The following OSBPL3 variants were observed in gnomAD, a reference collection of about 807,000 sequenced individuals.
OSBPL3 encodes oxysterol-binding protein-related protein 3.
Under a neutral mutation model 120.1 loss-of-function variants are expected in OSBPL3, and 65 were observed. That is an observed-to-expected ratio of 0.54 (90% CI 0.44 to 0.67). OSBPL3 has a LOEUF of 0.67. OSBPL3 is among the 30% of genes least tolerant of loss of function. OSBPL3 has a pLI of 0.00. For synonymous variants in OSBPL3, 416 were observed against 402.6 expected, an observed-to-expected ratio of 1.03 and a Z score of -0.40; for missense variants, 1,004 against 1,082.1, an observed-to-expected ratio of 0.93 and a Z score of 1.01.
chr7:24,972,922 T>A lies in OSBPL3; in HGVS notation c.-150+6964A>T, dbSNP rs1817189806. On this transcript the variant is annotated intron_variant, in intron 1 of 22. Transcript: ENST00000313367. This position sits in a 1 kb window ranked among gnomAD's most constrained non-coding sequence, Gnocchi z 4.3. ...TCAAGACAGGAAACCAGTGTGGGAA[T>A]CTTTACAAGTACTACATTTTAATAC... Among the ~76,000 whole-genome samples, 1 of 152,226 alleles carries A rather than the reference T, an allele frequency of 6.6e-6. No homozygotes were observed. The highest frequency in any genetic ancestry group is 1.5e-5 in the Non-Finnish European group (1 of 68,044).
Position 24,959,476 on chromosome 7 carries a change from A to G in OSBPL3, c.-150+20410T>C, listed in dbSNP as rs188592791. ...AAAGCGTTAACATGAGTCAATTTAC[A>G]TAAGTTACAAAAACAAGCAAAGCTA... On this transcript the variant is annotated intron_variant, in intron 1 of 22. Coordinates refer to ENST00000313367, the MANE Select transcript of OSBPL3 (RefSeq NM_015550.4). The surrounding 1 kb of genome is among the most constrained non-coding windows in gnomAD (Gnocchi z 4.3). Among the ~76,000 whole-genome samples, 117 of 152,334 alleles carry G rather than the reference A, an allele frequency of 7.7e-4. 1 individual carries two copies. The highest frequency in any genetic ancestry group is 2.8e-3 in the African/African-American group (115 of 41,580).
chr7:24,954,056 CCT>C (rs1219398936), intron 1 of OSBPL3, among the ~76,000 whole-genome samples: 1 of 152,142 alleles, frequency 6.6e-6, no homozygotes, highest in Non-Finnish European at 1.5e-5. Flanking sequence ...GACCTTCCTT[CCT>C]CTTTCATGAT....
rs1423089537 is a variant in OSBPL3, at chr7:24,968,953, C to G, written c.-150+10933G>C. Among the ~76,000 whole-genome samples, 3 of 152,034 alleles carry G rather than the reference C, an allele frequency of 2.0e-5. No individual in the cohort carries two copies. Among genetic ancestry groups the G allele is most frequent in the Non-Finnish European group, 4.4e-5 (3 of 68,012 alleles). ...CAATCTGGTATTTATTCAAATACTC[C>G]AAGAAACAATTTTGCATATATATCA... On this transcript the variant is annotated intron_variant, in intron 1 of 22. Transcript: ENST00000313367. This position sits in a 1 kb window ranked among gnomAD's most constrained non-coding sequence, Gnocchi z 4.6.
intron 1 of OSBPL3, among the ~76,000 whole-genome samples, chr7:24,962,382 GA>G (rs1815855107): frequency 7.6e-6 from 1 of 130,904 alleles, no homozygotes; most frequent in Non-Finnish European, 1.6e-5. Context: ...AAGGAGAGGA[GA>G]GGGGAGGGGG....
chr7:24,834,184 G>A lies in OSBPL3; in HGVS notation c.1746+302C>T. 1 of 1,095,258 alleles carries A rather than the reference G, an allele frequency of 9.1e-7. No homozygotes were observed. The highest frequency in any genetic ancestry group is 1.1e-6 in the Non-Finnish European group (1 of 892,040). The allele number at this position is 1,095,258 out of a possible 1,614,324, so 67.8% of individuals were successfully genotyped here. On this transcript the variant is annotated intron_variant, in intron 15 of 22. Transcript: ENST00000313367. The surrounding 1 kb of genome is among the most constrained non-coding windows in gnomAD (Gnocchi z 5.2). ...CCCTAAAGACATGTTTTCCAGCCGG[G>A]CACATCGGAACAATCAGCCAGAAGG...
chr7:24,880,577 A>C (rs1391762202), intron 2 of OSBPL3, among the ~76,000 whole-genome samples: 1 of 152,210 alleles, frequency 6.6e-6, no homozygotes, highest in Non-Finnish European at 1.5e-5. Flanking sequence ...TTCAAAGTAC[A>C]CCATAATGAT....
intron 10 of OSBPL3, among the ~76,000 whole-genome samples, chr7:24,853,175 G>A (rs1420451796): frequency 2.6e-5 from 4 of 152,116 alleles, no homozygotes; most frequent in Non-Finnish European, 4.4e-5. Context: ...GACTGGAAAG[G>A]GTTAAAAACA....
chr7:24,858,798 A>C (rs1221352331), intron 10 of OSBPL3, among the ~76,000 whole-genome samples: 2 of 152,180 alleles, frequency 1.3e-5, no homozygotes, highest in Non-Finnish European at 2.9e-5. Context: ...CAATGGATCC[A>C]CTCAGTATGG....
At chr7:24,977,590 C>A (rs1427755389) in intron 1 of OSBPL3, among the ~76,000 whole-genome samples, 1 of 152,184 alleles carries the variant, frequency 6.6e-6, no homozygotes, top group Non-Finnish European at 1.5e-5. Context: ...GGCGCGGTGG[C>A]TCACGCCTGT....
At chr7:24,911,088 G>C (rs1808760113) in intron 1 of OSBPL3, among the ~76,000 whole-genome samples, 1 of 152,192 alleles carries the variant, frequency 6.6e-6, no homozygotes, top group African/African-American at 2.4e-5. Flanking sequence ...TTACTCCACA[G>C]AACTGCCTTC....
rs905890352 is a variant in OSBPL3 at position 24,873,274 on chromosome 7, T to C, written c.97-1205A>G. 5.3e-5 allele frequency among the ~76,000 whole-genome samples: 8 copies of C among 152,136 alleles called. No homozygotes were observed. The highest frequency in any genetic ancestry group is 1.9e-4 in the African/African-American group (8 of 41,414). On this transcript the variant is annotated intron_variant, in intron 2 of 22. Transcript: ENST00000313367. The surrounding 1 kb of genome is among the most constrained non-coding windows in gnomAD (Gnocchi z 4.1). Reference sequence around the variant, plus strand: ...TTAGATTCAAGTCCTGGGACACAAGTGGTCTAACAGGGAGGGCACAGAAAC... The same window carrying C: ...TTAGATTCAAGTCCTGGGACACAAGCGGTCTAACAGGGAGGGCACAGAAAC...
rs1796878007 is a variant in OSBPL3, at chr7:24,835,410, A to G, written c.1496-674T>C. 6.6e-6 allele frequency among the ~76,000 whole-genome samples: 1 copy of G among 152,168 alleles called. No homozygotes were observed. The highest frequency in any genetic ancestry group is 2.1e-4 in the South Asian group (1 of 4,818). On this transcript the variant is annotated intron_variant, in intron 14 of 22. Coordinates refer to ENST00000313367, the MANE Select transcript of OSBPL3 (RefSeq NM_015550.4). This position sits in a 1 kb window ranked among gnomAD's most constrained non-coding sequence, Gnocchi z 4.8. ...AGAATAGCAATTACTAAAAAGTCAA[A>G]AAATAACATGCTGGTGAGGCTGCAG...
chr7:24,872,448 A>AGTGT lies in OSBPL3; in HGVS notation c.97-383_97-380dup, dbSNP rs371127031. On this transcript the variant is annotated intron_variant, in intron 2 of 22. Transcript: ENST00000313367. The surrounding 1 kb of genome is among the most constrained non-coding windows in gnomAD (Gnocchi z 4.1). ...TCAGTCTGAATTTTAACCGAAAGAGAGTGTGTGTGTGTGTGTGTGTGTGTG... is the reference window on the plus strand; with the variant it reads ...TCAGTCTGAATTTTAACCGAAAGAGAGTGTGTGTGTGTGTGTGTGTGTGTGTGTG... Among the ~76,000 whole-genome samples, 21,626 of 144,616 alleles carry AGTGT rather than the reference A, an allele frequency of 0.15. 1,799 individuals carry two copies. The highest frequency in any genetic ancestry group is 0.19 in the Non-Finnish European group (12,477 of 66,130). The allele number at this position is 144,616 out of a possible 152,430, so 94.9% of individuals were successfully genotyped here.
intron 2 of OSBPL3, among the ~76,000 whole-genome samples, chr7:24,889,361 C>G (rs368088000): frequency 6.6e-6 from 1 of 152,208 alleles, no homozygotes; most frequent in South Asian, 2.1e-4. Context: ...TTCTGGGGAT[C>G]TAATGTAACA....
chr7:24,973,435 G>C (rs1460560973), intron 1 of OSBPL3, among the ~76,000 whole-genome samples: 1 of 152,052 alleles, frequency 6.6e-6, no homozygotes, highest in Non-Finnish European at 1.5e-5. Flanking sequence ...CCATATTCTG[G>C]CTCTCAAACA....
intron 2 of OSBPL3, among the ~76,000 whole-genome samples, chr7:24,875,265 G>T (rs950549624): frequency 1.3e-5 from 2 of 152,114 alleles, no homozygotes; most frequent in African/African-American, 4.8e-5. Context: ...GTTCTTTTTG[G>T]AACTTTACCA....
At position 24,897,824 on chromosome 7, in the gene OSBPL3, C is replaced by A. The variant is rs1283385573; in HGVS notation, c.-149-5203G>T. 2.0e-5 allele frequency among the ~76,000 whole-genome samples: 3 copies of A among 152,310 alleles called. No individual in the cohort carries two copies. In the East Asian group the frequency reaches 5.8e-4, roughly 29 times the overall value. On this transcript the variant is annotated intron_variant, in intron 1 of 22. Transcript: ENST00000313367. ...AAAAGCAACATTATCTGGTAGATTGCAAAAAGTGGCATATAACACAGCTAC... is the reference window on the plus strand; with the variant it reads ...AAAAGCAACATTATCTGGTAGATTGAAAAAAGTGGCATATAACACAGCTAC...
At chr7:24,839,040 C>T (rs1584317520) in intron 14 of OSBPL3, among the ~76,000 whole-genome samples, 1 of 152,130 alleles carries the variant, frequency 6.6e-6, no homozygotes, top group African/African-American at 2.4e-5. Flanking sequence ...TGCTTTCTTC[C>T]CCTATACTGC....
chr7:24,834,129 C>A lies in OSBPL3; in HGVS notation c.1746+357G>T. 5 of 1,011,212 alleles carry A rather than the reference C, an allele frequency of 4.9e-6. No homozygotes were observed. Among genetic ancestry groups the A allele is most frequent in the Non-Finnish European group, 5.9e-6 (5 of 840,676 alleles). The allele number at this position is 1,011,212 out of a possible 1,614,324, so 62.6% of individuals were successfully genotyped here. On this transcript the variant is annotated intron_variant, in intron 15 of 22. Transcript: ENST00000313367. The surrounding 1 kb of genome is among the most constrained non-coding windows in gnomAD (Gnocchi z 5.2). ...GCTCGAGAAATTAAATTCTGTCCAC[C>A]CAGGGAAGTAAAAATAAACATGCAG...
Sources: gnomAD v4.1 joint callset for allele counts (sites outside exome capture counted in the v4.1 genomes callset) on GRCh38, gnomAD v4.1.1 for gene constraint, Gnocchi (gnomAD v3.1) non-coding constraint, MANE v1.5 for transcripts, NCBI Gene and HGNC (gene_info 2026-07-23, HGNC 2026-07-21) for gene names.